C2orf76: variants seen among roughly 807,000 people sequenced by gnomAD.
The protein encoded by C2orf76 is chromosome 2 open reading frame 76.
A neutral mutation model predicts 16.9 loss-of-function variants in C2orf76; 23 were observed. The ratio of observed to expected loss-of-function variants is 1.36; its 90% CI spans 0.98 to 1.93. The LOEUF is 1.93. C2orf76 is among the 30% of genes most tolerant of loss of function. The probability of loss-of-function intolerance (pLI) is 0.00; values close to 1 mark genes in which losing one functional copy is unlikely to be tolerated. For synonymous variants in C2orf76, 48 were observed against 52.3 expected, an observed-to-expected ratio of 0.92 and a Z score of 0.35; for missense variants, 152 against 152.6, an observed-to-expected ratio of 1.00 and a Z score of 0.02.
At chr2:119,353,790 T>A (rs1320899950) in intron 1 of C2orf76, among the ~76,000 whole-genome samples, 2 of 152,088 alleles carry the variant, frequency 1.3e-5, no homozygotes, top group Non-Finnish European at 2.9e-5. Context: ...CTCGAACTCC[T>A]GATCTTAGGT....
At chr2:119,359,916 A>G (rs1266880921) in intron 1 of C2orf76, among the ~76,000 whole-genome samples, 1 of 152,228 alleles carries the variant, frequency 6.6e-6, no homozygotes, top group African/African-American at 2.4e-5. Flanking sequence ...TCCAATTTTG[A>G]AAGTTCTGCT....
At chr2:119,281,336 C>A in the C2orf76 span, among the ~76,000 whole-genome samples, 1 of 152,156 alleles carries the variant, frequency 6.6e-6, no homozygotes, top group African/African-American at 2.4e-5. Flanking sequence ...CACGTGTTCT[C>A]ATCATTTAGC....
intron 1 of C2orf76, among the ~76,000 whole-genome samples, chr2:119,346,992 A>G (rs1558793906): frequency 6.6e-6 from 1 of 152,184 alleles, no homozygotes; most frequent in Non-Finnish European, 1.5e-5. Flanking sequence ...ATCCCAAAAT[A>G]AAAAAATTCC....
At chr2:119,311,745 A>G (rs771459575) in intron 4 of C2orf76, 42 bp from the exon 5 acceptor site, 7 of 1,555,356 alleles carry the variant, frequency 4.5e-6, no homozygotes, top group Non-Finnish European at 5.2e-6. Flanking sequence ...CAGTACTTAC[A>G]TGGGTTTGTT....
At chr2:119,364,039 G>GAGACAGACAGAC (rs57921997) in intron 1 of C2orf76, among the ~76,000 whole-genome samples, 2 of 147,574 alleles carry the variant, frequency 1.4e-5, no homozygotes, top group Admixed American at 6.7e-5. Flanking sequence ...GAGAGAGAGA[G>GAGACAGACAGAC]AGACAGACAG....
chr2:119,333,507 T>C (rs957986004), intron 2 of C2orf76, among the ~76,000 whole-genome samples: 4 of 152,200 alleles, frequency 2.6e-5, no homozygotes, highest in African/African-American at 9.6e-5. Context: ...TAAACTGACA[T>C]TCAGTGTTTC....
At chr2:119,320,540 A>G (rs1375398319) in intron 3 of C2orf76, among the ~76,000 whole-genome samples, 1 of 151,926 alleles carries the variant, frequency 6.6e-6, no homozygotes, top group Non-Finnish European at 1.5e-5. Context: ...AAAGGATTTT[A>G]GGTCATAAGT....
intron 3 of C2orf76, among the ~76,000 whole-genome samples, chr2:119,317,902 A>T (rs1004869170): frequency 1.3e-5 from 2 of 152,222 alleles, no homozygotes; most frequent in Non-Finnish European, 2.9e-5. Context: ...GTTCAAAAAA[A>T]TCTATTCAGA....
chr2:119,348,705 AG>A (rs200335778), intron 1 of C2orf76, among the ~76,000 whole-genome samples: 2,852 of 152,088 alleles, frequency 0.019, 36 homozygotes, highest in South Asian at 0.054. Flanking sequence ...AAAGAAAAGA[AG>A]TTAAAGGGCT....
chr2:119,357,886 C>T (rs56188773), intron 1 of C2orf76, among the ~76,000 whole-genome samples: 8,169 of 152,198 alleles, frequency 0.054, 277 homozygotes, highest in South Asian at 0.11. Flanking sequence ...TTGGCAAAGT[C>T]ACAGGATACA....
At chr2:119,314,791 T>A (rs898744618) in intron 4 of C2orf76, among the ~76,000 whole-genome samples, 1 of 152,200 alleles carries the variant, frequency 6.6e-6, no homozygotes, top group Non-Finnish European at 1.5e-5. Flanking sequence ...AAGAGAGAAC[T>A]GATTTTACGC....
chr2:119,349,026 T>A (rs1680298207), intron 1 of C2orf76, among the ~76,000 whole-genome samples: 1 of 152,178 alleles, frequency 6.6e-6, no homozygotes, highest in African/African-American at 2.4e-5. Context: ...AAATTGCCTG[T>A]GTACAGTATC....
chr2:119,350,364 C>A (rs1300094191), intron 1 of C2orf76, among the ~76,000 whole-genome samples: 1 of 152,122 alleles, frequency 6.6e-6, no homozygotes, highest in African/African-American at 2.4e-5. Context: ...CCAGGTGGTG[C>A]TTTGAAAAGT....
At chr2:119,344,281 A>G (rs528975551) in intron 1 of C2orf76, among the ~76,000 whole-genome samples, 146 of 152,336 alleles carry the variant, frequency 9.6e-4, no homozygotes, top group Admixed American at 2.2e-3. Context: ...GCCTCAGCTT[A>G]GAAGACTAAC....
Position 119,366,763 on chromosome 2 carries a change from T to C in C2orf76, c.-13+27A>G. On this transcript the variant is annotated intron_variant, in intron 1 of 5. Coordinates refer to ENST00000334816, the MANE Select transcript of C2orf76 (RefSeq NM_001322331.2). ...CTCGACCAACTCCCGGCAGCAAAAC[T>C]AAGCACCCTACTTCCGTTGTCCCCA... is the stretch of plus-strand genomic sequence containing the variant. 5.4e-6 allele frequency: 3 copies of C among 559,128 alleles called. No individual in the cohort carries two copies. The East Asian group carries it at 9.3e-5, about 17-fold the overall frequency. 34.6% of individuals were successfully genotyped at this position (559,128 alleles called of 1,614,324 possible). A position where few individuals can be genotyped will look rare whatever the true frequency, so the allele number is the denominator to read the frequency against.
At chr2:119,306,922 C>A (rs1455019974) in intron 5 of C2orf76, among the ~76,000 whole-genome samples, 1 of 152,104 alleles carries the variant, frequency 6.6e-6, no homozygotes. Flanking sequence ...AATTTCCCCA[C>A]TTGCAGCCTT....
chr2:119,342,606 G>A (rs1020469406), intron 1 of C2orf76, among the ~76,000 whole-genome samples: 9 of 150,390 alleles, frequency 6.0e-5, no homozygotes, highest in East Asian at 2.0e-4. Context: ...AGCAAGACTC[G>A]GTCTCAAAAA....
chr2:119,319,499 C>A (rs187054513), intron 3 of C2orf76, among the ~76,000 whole-genome samples: 9 of 152,264 alleles, frequency 5.9e-5, no homozygotes, highest in Admixed American at 4.6e-4. Context: ...AGGAAAGCAA[C>A]CTCATAAAAA....
At chr2:119,341,447 A>C (rs1008979850) in intron 1 of C2orf76, among the ~76,000 whole-genome samples, 1 of 152,240 alleles carries the variant, frequency 6.6e-6, no homozygotes, top group Non-Finnish European at 1.5e-5. Context: ...GAAAAAGTGA[A>C]ACACAAATAG....
Sources: allele counts gnomAD v4.1 joint callset (sites outside exome capture counted in the v4.1 genomes callset), GRCh38; gene constraint gnomAD v4.1.1; transcripts MANE v1.5; gene names NCBI Gene and HGNC (gene_info 2026-07-23, HGNC 2026-07-21).